RNF144B: variants seen among roughly 807,000 people sequenced by gnomAD.
RNF144B encodes the protein ring finger protein 144B.
A neutral mutation model predicts 40.2 loss-of-function variants in RNF144B; 25 were observed. That is an observed-to-expected ratio of 0.62 (90% CI 0.45 to 0.87). The LOEUF (loss-of-function observed/expected upper bound fraction) is 0.87. Among genes scored for constraint, RNF144B ranks in the 40% least tolerant of loss-of-function variants. The probability of loss-of-function intolerance (pLI) is 0.00; values close to 1 mark genes in which losing one functional copy is unlikely to be tolerated. For missense variants in RNF144B, 365 were observed against 373.7 expected (o/e 0.98, Z 0.19); for synonymous variants, 145 against 136.3 (o/e 1.06, Z -0.44).
chr6:18,394,091 G>C (rs1045221447), intron 1 of RNF144B, among the ~76,000 whole-genome samples: 1 of 152,088 alleles, frequency 6.6e-6, no homozygotes. Flanking sequence ...ATTTCTCTTA[G>C]TCTCCTTAGT....
chr6:18,423,714 G>A (rs1216991305), intron 2 of RNF144B, among the ~76,000 whole-genome samples: 1 of 152,108 alleles, frequency 6.6e-6, no homozygotes, highest in Admixed American at 6.6e-5. Context: ...TACATTTTTG[G>A]TTAGATCCCA....
intron 7 of RNF144B, among the ~76,000 whole-genome samples, chr6:18,463,581 C>T (rs937909255): frequency 6.6e-6 from 1 of 152,200 alleles, no homozygotes; most frequent in African/African-American, 2.4e-5. Context: ...TCCTTAAGGA[C>T]AAGCGGAGAA....
At position 18,467,618 on chromosome 6, in the gene RNF144B, A is replaced by G. The variant is rs1759600785; in HGVS notation, c.*2551A>G. ...ATACAAACCAGTCTAAAGACTGTTTATAAAGGAGAGAGCTGGCGACTTATT... is the reference window on the plus strand; with the variant it reads ...ATACAAACCAGTCTAAAGACTGTTTGTAAAGGAGAGAGCTGGCGACTTATT... On this transcript the variant is annotated 3_prime_UTR_variant, in exon 8 of 8. Coordinates refer to ENST00000259939, the MANE Select transcript of RNF144B (RefSeq NM_182757.4). 6.6e-6 allele frequency: 1 copy of G among 151,746 alleles called. No homozygotes were observed. Among genetic ancestry groups the G allele is most frequent in the Admixed American group, 6.6e-5 (1 of 15,186 alleles). The allele number at this position is 151,746 out of a possible 1,614,324, so 9.4% of individuals were successfully genotyped here.
chr6:18,407,972 TTC>T (rs1215367991), intron 2 of RNF144B, among the ~76,000 whole-genome samples: 8 of 127,158 alleles, frequency 6.3e-5, no homozygotes, highest in Non-Finnish European at 1.1e-4. Flanking sequence ...TTCTTTTTCT[TTC>T]TTTCTTTTTC....
At chr6:18,452,642 C>G (rs1177626627) in intron 4 of RNF144B, among the ~76,000 whole-genome samples, 2 of 152,010 alleles carry the variant, frequency 1.3e-5, no homozygotes, top group African/African-American at 4.8e-5. Flanking sequence ...TAGTACTTGA[C>G]CTTTTTTAAA....
At chr6:18,437,712 C>T (rs1758854244) in intron 3 of RNF144B, among the ~76,000 whole-genome samples, 1 of 152,162 alleles carries the variant, frequency 6.6e-6, no homozygotes, top group African/African-American at 2.4e-5. Context: ...GTAGTATGTA[C>T]TCCAATGAAA....
At chr6:18,449,068 G>A (rs1345009122) in intron 4 of RNF144B, among the ~76,000 whole-genome samples, 1 of 152,176 alleles carries the variant, frequency 6.6e-6, no homozygotes, top group East Asian at 1.9e-4. Flanking sequence ...GGTTTCTATA[G>A]TGAGTAGAAC....
rs146757122 is a variant in RNF144B, at chr6:18,457,022, C to G, written c.332-133C>G. On this transcript the variant is annotated intron_variant, in intron 4 of 7. Coordinates refer to ENST00000259939, the MANE Select transcript of RNF144B (RefSeq NM_182757.4). This position sits in a 1 kb window ranked among gnomAD's most constrained non-coding sequence, Gnocchi z 5.1. ...GTTGCAGTGAGCTGAAATCATGCCA[C>G]TGTACTCCAGCCTGGGCGACAGAGT... is the stretch of plus-strand genomic sequence containing the variant. The G allele has an allele frequency of 2.6e-6, 2 of 770,574 alleles. No homozygotes were observed. Among genetic ancestry groups the G allele is most frequent in the East Asian group, 5.1e-5 (2 of 39,456 alleles). 47.7% of individuals were successfully genotyped at this position (770,574 alleles called of 1,614,324 possible).
In RNF144B at chr6:18,457,056, G is replaced by C; in HGVS notation, c.332-99G>C. The C allele has an allele frequency of 2.0e-6, 2 of 1,001,326 alleles. No homozygotes were observed. The allele number at this position is 1,001,326 out of a possible 1,614,324, so 62.0% of individuals were successfully genotyped here. On this transcript the variant is annotated intron_variant, in intron 4 of 7. Coordinates refer to ENST00000259939, the MANE Select transcript of RNF144B (RefSeq NM_182757.4). This position sits in a 1 kb window ranked among gnomAD's most constrained non-coding sequence, Gnocchi z 5.1. Reference sequence around the variant, plus strand: ...AGCCTGGGCGACAGAGTGAGACTCTGGTTCCAAATAAATTAAATAAATAAG... The same window carrying C: ...AGCCTGGGCGACAGAGTGAGACTCTCGTTCCAAATAAATTAAATAAATAAG...
intron 4 of RNF144B, among the ~76,000 whole-genome samples, chr6:18,455,760 A>T (rs563445337): frequency 2.0e-5 from 3 of 152,306 alleles, no homozygotes; most frequent in East Asian, 3.9e-4. Context: ...CAAACACTTA[A>T]ATAGATGGCT....
intron 2 of RNF144B, among the ~76,000 whole-genome samples, chr6:18,413,543 C>G (rs1795089356): frequency 6.6e-6 from 1 of 152,182 alleles, no homozygotes; most frequent in African/African-American, 2.4e-5. Flanking sequence ...CCGAGACATT[C>G]AGAGGTCTGA....
intron 3 of RNF144B, among the ~76,000 whole-genome samples, chr6:18,428,179 A>C (rs1758608998): frequency 1.3e-5 from 2 of 152,124 alleles, no homozygotes; most frequent in Non-Finnish European, 2.9e-5. Flanking sequence ...GGCCATGTGA[A>C]GAAAGATGTG....
At chr6:18,390,454 G>A (rs971624667) in intron 1 of RNF144B, among the ~76,000 whole-genome samples, 1 of 152,174 alleles carries the variant, frequency 6.6e-6, no homozygotes, top group South Asian at 2.1e-4. Context: ...CTTCTGCAAC[G>A]TGGAATGAGG....
At chr6:18,408,041 G>A (rs1794952203) in intron 2 of RNF144B, among the ~76,000 whole-genome samples, 1 of 148,054 alleles carries the variant, frequency 6.8e-6, no homozygotes, top group South Asian at 2.1e-4. Flanking sequence ...CTGGAGTACA[G>A]TGGTGCGATC....
rs1177855316 is a variant in RNF144B, at chr6:18,406,286, G to A, written c.165+6587G>A. ...TCTACTTTATTAGATGATCAGGGAA[G>A]TCTCAGTGATAAGGTGTTATTTGAG... is the stretch of plus-strand genomic sequence containing the variant. On this transcript the variant is annotated intron_variant, in intron 2 of 7. Coordinates refer to ENST00000259939, the MANE Select transcript of RNF144B (RefSeq NM_182757.4). The surrounding 1 kb of genome is among the most constrained non-coding windows in gnomAD (Gnocchi z 4.2). Among the ~76,000 whole-genome samples the A allele has an allele frequency of 6.6e-6, 1 of 152,154 alleles. No individual in the cohort carries two copies. The highest frequency in any genetic ancestry group is 1.5e-5 in the Non-Finnish European group (1 of 68,018).
chr6:18,401,381 C>T (rs1794798950), intron 2 of RNF144B, among the ~76,000 whole-genome samples: 1 of 152,202 alleles, frequency 6.6e-6, no homozygotes, highest in African/African-American at 2.4e-5. Flanking sequence ...TCTAGATTCA[C>T]ACTTCCTCAT....
At chr6:18,388,653 G>A (rs577801000) in intron 1 of RNF144B, among the ~76,000 whole-genome samples, 106 of 152,186 alleles carry the variant, frequency 7.0e-4, no homozygotes, top group Non-Finnish European at 1.1e-3. Context: ...TCCTTTTCAT[G>A]GACAGCAGTG....
intron 4 of RNF144B, among the ~76,000 whole-genome samples, chr6:18,453,420 G>T (rs1227112460): frequency 6.6e-6 from 1 of 152,080 alleles, no homozygotes; most frequent in Admixed American, 6.5e-5. Flanking sequence ...CTACAGGCAT[G>T]AGCTACTGCA....
In RNF144B at chr6:18,427,611, C is replaced by T. The variant is rs1391494740; in HGVS notation, c.196C>T (p.Arg66Ter). 9.3e-6 allele frequency: 15 copies of T among 1,613,566 alleles called. No individual in the cohort carries two copies. Among genetic ancestry groups the T allele is most frequent in the South Asian group, 2.2e-5 (2 of 91,052 alleles). Residue 66 changes from arginine to a stop codon, truncating the protein, a stop_gained, in exon 3 of 8, where the codon CGA becomes TGA. Transcript: ENST00000259939. LOFTEE classifies it high-confidence loss of function. Reference sequence around the variant, plus strand: ...GAAACAGTACATGCAGCTGGCAATCCGAGAAGGATGTGGGTCTCCCATCAC... The same window carrying T: ...GAAACAGTACATGCAGCTGGCAATCTGAGAAGGATGTGGGTCTCCCATCAC... Reference protein sequence around the residue: ...CLKQYMQLAIREGCGSPITCP... With the variant: ...CLKQYMQLAI
Sources: allele counts gnomAD v4.1 joint callset (sites outside exome capture counted in the v4.1 genomes callset), GRCh38; gene constraint gnomAD v4.1.1; non-coding constraint Gnocchi (gnomAD v3.1); transcripts MANE v1.5; gene names NCBI Gene and HGNC (gene_info 2026-07-23, HGNC 2026-07-21).